Variants in C12orf56 observed in about 807,000 individuals in gnomAD.
C12orf56 encodes the protein uncharacterized protein C12orf56.
Under a neutral mutation model 69.9 loss-of-function variants are expected in C12orf56, and 71 were observed. The ratio of observed to expected loss-of-function variants is 1.02; its 90% CI spans 0.84 to 1.24. C12orf56 has a LOEUF of 1.24. Ranked by LOEUF, C12orf56 falls within the 50% of genes most tolerant of loss-of-function variation. The probability of loss-of-function intolerance (pLI) is 0.00; values close to 1 mark genes in which losing one functional copy is unlikely to be tolerated. For missense variants in C12orf56, 732 were observed against 738.5 expected (o/e 0.99, Z 0.10); for synonymous variants, 276 against 274.1 (o/e 1.01, Z -0.07).
intron 3 of C12orf56, among the ~76,000 whole-genome samples, chr12:64,326,227 T>A (rs1435846596): frequency 2.6e-5 from 4 of 151,578 alleles, no homozygotes. Flanking sequence ...AGGAGGGGGG[T>A]GGTACATACT....
intron 5 of C12orf56, among the ~76,000 whole-genome samples, chr12:64,310,214 C>T (rs1327751036): frequency 6.6e-6 from 1 of 151,884 alleles, no homozygotes; most frequent in South Asian, 2.1e-4. Context: ...ACTATGTTGC[C>T]TAGGCTGGTC....
chr12:64,383,208 T>A (rs985461696), intron 1 of C12orf56, among the ~76,000 whole-genome samples: 4 of 151,454 alleles, frequency 2.6e-5, no homozygotes, highest in Non-Finnish European at 4.4e-5. Flanking sequence ...TCCCAGCTAC[T>A]AAGGAGGCTG....
chr12:64,269,677 C>T (rs1000905909), intron 12 of C12orf56, among the ~76,000 whole-genome samples: 1 of 151,960 alleles, frequency 6.6e-6, no homozygotes, highest in Admixed American at 6.6e-5. Flanking sequence ...CAACCTCTGC[C>T]TCCTGGGTTC....
At chr12:64,283,207 G>A (rs1003626677) in intron 8 of C12orf56, among the ~76,000 whole-genome samples, 2 of 151,908 alleles carry the variant, frequency 1.3e-5, no homozygotes, top group Admixed American at 1.3e-4. Flanking sequence ...GGCCAGTCAT[G>A]GTGGCTCATG....
intron 1 of C12orf56, 62 bp from the exon 2 acceptor site, chr12:64,353,118 A>C: frequency 4.6e-6 from 7 of 1,514,262 alleles, no homozygotes; most frequent in Non-Finnish European, 5.4e-6. Flanking sequence ...ATTTTGGTAT[A>C]ATAAATCCCC....
chr12:64,367,250 A>T (rs1490586705), intron 1 of C12orf56, among the ~76,000 whole-genome samples: 1 of 138,400 alleles, frequency 7.2e-6, no homozygotes, highest in East Asian at 2.0e-4. Context: ...TACAGTTTAT[A>T]TATTATATAT....
rs532810288 is a variant in C12orf56, at chr12:64,307,806, C to T, written c.969-4027G>A. Among the ~76,000 whole-genome samples, 5 of 151,948 alleles carry T rather than the reference C, an allele frequency of 3.3e-5. No individual in the cohort carries two copies. In the South Asian group the frequency reaches 1.0e-3, roughly 32 times the overall value. ...TTGTTTAAACCCAGGAGTTCCAGAC[C>T]AGCCTGGGCAATATAACCAGACCCC... On this transcript the variant is annotated intron_variant, in intron 5 of 12. Coordinates refer to ENST00000543942, the MANE Select transcript of C12orf56 (RefSeq NM_001170633.2).
At chr12:64,268,465 AT>A (rs1441183594) in intron 12 of C12orf56, among the ~76,000 whole-genome samples, 3 of 152,222 alleles carry the variant, frequency 2.0e-5, no homozygotes, top group African/African-American at 7.2e-5. Flanking sequence ...AAGATCACAT[AT>A]TATACGCTCC....
At chr12:64,301,276 C>G (rs542249219) in intron 6 of C12orf56, among the ~76,000 whole-genome samples, 1 of 152,240 alleles carries the variant, frequency 6.6e-6, no homozygotes, top group East Asian at 1.9e-4. Flanking sequence ...CAAAAACCCA[C>G]CAAGAGTTTT....
chr12:64,380,005 T>C (rs1354821835), intron 1 of C12orf56, among the ~76,000 whole-genome samples: 2 of 142,812 alleles, frequency 1.4e-5, no homozygotes, highest in Non-Finnish European at 3.0e-5. Context: ...CTCCGGAGGC[T>C]GAGGCAGGAG....
intron 2 of C12orf56, among the ~76,000 whole-genome samples, chr12:64,343,643 A>G (rs1193806684): frequency 2.0e-5 from 3 of 152,210 alleles, no homozygotes; most frequent in African/African-American, 4.8e-5. Flanking sequence ...TAAGCTTACA[A>G]TAATCCACTG....
At chr12:64,317,150 A>G (rs912799910) in intron 4 of C12orf56, among the ~76,000 whole-genome samples, 1 of 152,166 alleles carries the variant, frequency 6.6e-6, no homozygotes, top group Admixed American at 6.5e-5. Context: ...AAAATTTAGA[A>G]AGGAATTTTA....
At chr12:64,297,925 G>A (rs1175624956) in intron 6 of C12orf56, among the ~76,000 whole-genome samples, 4 of 152,142 alleles carry the variant, frequency 2.6e-5, no homozygotes, top group African/African-American at 9.7e-5. Context: ...TGAGTTAAAT[G>A]GTATTTCTAG....
Position 64,390,395 on chromosome 12 carries a change from G to T in C12orf56, c.171C>A (p.Asp57Glu). Reference protein sequence around the residue: ...NHILKYVVLSDRLVYLTENPP... With the variant: ...NHILKYVVLSERLVYLTENPP... Reference sequence around the variant, plus strand: ...GGTTCTCGGTTAGGTAGACGAGCCGGTCGCTTAGCACCACATACTTGAGGA... The same window carrying T: ...GGTTCTCGGTTAGGTAGACGAGCCGTTCGCTTAGCACCACATACTTGAGGA... The change falls in exon 1 of 13, where the codon GAC (aspartate) becomes GAA (glutamate). Residue 57 changes from aspartate (D) to glutamate (E), a missense_variant. Asp to Glu is a conservative substitution (Grantham distance 45). Coordinates refer to ENST00000543942, the MANE Select transcript of C12orf56 (RefSeq NM_001170633.2). 6.2e-7 allele frequency: 1 copy of T among 1,613,364 alleles called. No homozygotes were observed. The highest frequency in any genetic ancestry group is 8.5e-7 in the Non-Finnish European group (1 of 1,179,776).
At chr12:64,365,702 A>G (rs906414787) in intron 1 of C12orf56, among the ~76,000 whole-genome samples, 13 of 145,426 alleles carry the variant, frequency 8.9e-5, no homozygotes, top group Middle Eastern at 3.6e-3. Context: ...ATTATATAAT[A>G]CAATATATAG....
intron 5 of C12orf56, among the ~76,000 whole-genome samples, chr12:64,311,580 A>G (rs2038617745): frequency 6.6e-6 from 1 of 152,178 alleles, no homozygotes; most frequent in African/African-American, 2.4e-5. Context: ...AGAAGAGTAC[A>G]GTAGTGTTCC....
At chr12:64,359,599 G>A (rs61931526) in intron 1 of C12orf56, among the ~76,000 whole-genome samples, 42,850 of 152,098 alleles carry the variant, frequency 0.28, 6,300 homozygotes, top group Middle Eastern at 0.47. Flanking sequence ...TTACACATCT[G>A]TGCGGGGGTA....
At chr12:64,304,132 T>G (rs926481139) in intron 5 of C12orf56, among the ~76,000 whole-genome samples, 6 of 152,154 alleles carry the variant, frequency 3.9e-5, no homozygotes, top group African/African-American at 1.4e-4. Context: ...TTTAAGAAGT[T>G]TATAAAGAAA....
intron 6 of C12orf56, among the ~76,000 whole-genome samples, chr12:64,295,877 G>T (rs556542761): frequency 6.6e-6 from 1 of 151,470 alleles, no homozygotes; most frequent in Non-Finnish European, 1.5e-5. Context: ...TCCATAATAT[G>T]TACATTATAT....
Sources: allele counts gnomAD v4.1 joint callset (sites outside exome capture counted in the v4.1 genomes callset), GRCh38; gene constraint gnomAD v4.1.1; transcripts MANE v1.5; gene names NCBI Gene and HGNC (gene_info 2026-07-23, HGNC 2026-07-21).